The following AK7 variants were observed in gnomAD, a reference collection of about 807,000 sequenced individuals.
The protein encoded by AK7 is ATP-AMP transphosphorylase 7.
A neutral mutation model predicts 96.6 loss-of-function variants in AK7; 78 were observed. The observed-to-expected ratio is 0.81, with a 90% confidence interval of 0.67 to 0.97. The LOEUF (loss-of-function observed/expected upper bound fraction) is 0.97, where lower values mean the gene tolerates loss of function less well. Ranked by LOEUF, AK7 falls within the 50% of genes least tolerant of loss-of-function variation. The probability of loss-of-function intolerance (pLI) is 0.00; values close to 1 mark genes in which losing one functional copy is unlikely to be tolerated. For synonymous variants in AK7, 302 were observed against 317.2 expected, an observed-to-expected ratio of 0.95 and a Z score of 0.51; for missense variants, 855 against 887.9, an observed-to-expected ratio of 0.96 and a Z score of 0.47.
chr14:96,488,261 A>C (rs112146260), intron 17 of AK7, 44 bp from the exon 18 acceptor site: 2 of 1,551,754 alleles, frequency 1.3e-6, no homozygotes, highest in East Asian at 2.2e-5. Flanking sequence ...TACATGACTA[A>C]TAATAACTTG....
chr14:96,462,780 C>G (rs1290644151), intron 12 of AK7, among the ~76,000 whole-genome samples: 1 of 148,232 alleles, frequency 6.7e-6, no homozygotes. Context: ...TGGCTTGCAG[C>G]TATCTAATTT....
chr14:96,428,663 T>C (rs981409988), intron 5 of AK7, among the ~76,000 whole-genome samples: 1 of 152,210 alleles, frequency 6.6e-6, no homozygotes, highest in Non-Finnish European at 1.5e-5. Flanking sequence ...TTCTAACTGG[T>C]GTGAGATGGT....
intron 5 of AK7, among the ~76,000 whole-genome samples, chr14:96,433,395 C>A (rs988971664): frequency 5.3e-5 from 8 of 152,050 alleles, no homozygotes; most frequent in Admixed American, 6.6e-5. Flanking sequence ...CTCTAAACTT[C>A]TCTTCTCACT....
chr14:96,404,476 C>T (rs561686172), intron 2 of AK7, among the ~76,000 whole-genome samples: 1 of 152,214 alleles, frequency 6.6e-6, no homozygotes, highest in Non-Finnish European at 1.5e-5. Flanking sequence ...TAATTCTTCC[C>T]TTCTGAATTG....
At chr14:96,464,415 T>C (rs1894441833) in intron 12 of AK7, among the ~76,000 whole-genome samples, 1 of 151,354 alleles carries the variant, frequency 6.6e-6, no homozygotes, top group South Asian at 2.1e-4. Flanking sequence ...CCAGGCGTGG[T>C]GGTGCGTGCC....
chr14:96,403,661 G>A (rs527483921), intron 2 of AK7, among the ~76,000 whole-genome samples: 2 of 152,168 alleles, frequency 1.3e-5, no homozygotes, highest in Non-Finnish European at 2.9e-5. Context: ...TGGTCTAAAA[G>A]GTTCTGCTTT....
Position 96,451,518 on chromosome 14 carries a change from T to C in AK7, c.1046T>C (p.Val349Ala), listed in dbSNP as rs571584215. ...NIRWAAQTGF[V>A]ENINTILKEY... ...CGATGGGCTGCCCAAACAGGATTTG[T>C]GGAAAATATCAACACTATCCTCAAG... The change falls in exon 10 of 18, where the codon GTG becomes GCG. Residue 349 changes from valine (V) to alanine (A), a missense_variant. Val to Ala is a moderately conservative substitution (Grantham distance 64). Transcript: ENST00000267584. 1.9e-6 allele frequency: 3 copies of C among 1,600,090 alleles called. No homozygotes were observed. In the African/African-American group the frequency reaches 4.0e-5, roughly 21 times the overall value.
intron 4 of AK7, 117 bp downstream of exon 4, chr14:96,409,058 C>T: frequency 1.0e-6 from 1 of 958,280 alleles, no homozygotes; most frequent in African/African-American, 1.6e-5. Context: ...GAATCCTATC[C>T]CATAATAAGC....
intron 1 of AK7, among the ~76,000 whole-genome samples, chr14:96,393,874 C>T (rs1889897412): frequency 6.6e-6 from 1 of 151,952 alleles, no homozygotes; most frequent in African/African-American, 2.4e-5. Flanking sequence ...TTTGGGAGGC[C>T]GAGGTGGGTG....
intron 1 of AK7, among the ~76,000 whole-genome samples, chr14:96,395,800 ATTTTTTTTTTT>A (rs1172936912): frequency 1.2e-4 from 8 of 69,018 alleles, no homozygotes; most frequent in South Asian, 6.8e-4. Flanking sequence ...TTGATTTTGA[ATTTTTTTTTTT>A]TTTTTTTTTT....
intron 5 of AK7, among the ~76,000 whole-genome samples, chr14:96,422,389 A>G (rs942445066): frequency 6.6e-6 from 1 of 152,236 alleles, no homozygotes; most frequent in Admixed American, 6.5e-5. Context: ...ATGAAGCTAG[A>G]CAACTGGTTA....
intron 2 of AK7, chr14:96,398,832 C>A (rs1396848957): frequency 5.0e-5 from 8 of 159,788 alleles, no homozygotes; most frequent in African/African-American, 1.4e-4. Flanking sequence ...AAATTCAACA[C>A]AGTCCTAGTC....
chr14:96,394,595 T>C (rs966267520), intron 1 of AK7, among the ~76,000 whole-genome samples: 18 of 152,214 alleles, frequency 1.2e-4, no homozygotes, highest in African/African-American at 4.1e-4. Flanking sequence ...AGGTCATGGA[T>C]GGCCTTGGCC....
intron 10 of AK7, among the ~76,000 whole-genome samples, chr14:96,452,215 A>C (rs897509042): frequency 1.3e-5 from 2 of 152,234 alleles, no homozygotes; most frequent in African/African-American, 4.8e-5. Flanking sequence ...AAATCGAGCT[A>C]ATTAACATCC....
At chr14:96,410,992 C>A (rs531431576) in intron 4 of AK7, among the ~76,000 whole-genome samples, 1 of 152,136 alleles carries the variant, frequency 6.6e-6, no homozygotes, top group Admixed American at 6.5e-5. Flanking sequence ...TAAAGTGAGA[C>A]CCTGCCTCAA....
At chr14:96,479,002 G>T (rs1017493808) in intron 15 of AK7, among the ~76,000 whole-genome samples, 2 of 151,592 alleles carry the variant, frequency 1.3e-5, no homozygotes, top group African/African-American at 4.9e-5. Flanking sequence ...TCTGCTTCCC[G>T]GGTTCAAGCA....
At chr14:96,439,557 G>A (rs1303434729) in intron 6 of AK7, among the ~76,000 whole-genome samples, 4 of 151,540 alleles carry the variant, frequency 2.6e-5, no homozygotes, top group African/African-American at 4.9e-5. Flanking sequence ...CCAGCTACTC[G>A]TTAGGCTGAA....
At chr14:96,414,233 A>G (rs1891198212) in intron 4 of AK7, among the ~76,000 whole-genome samples, 1 of 152,322 alleles carries the variant, frequency 6.6e-6, no homozygotes, top group African/African-American at 2.4e-5. Context: ...GCACACTTGC[A>G]TCAGGCCTGT....
At chr14:96,408,686 AG>A (rs1294625489) in intron 3 of AK7, among the ~76,000 whole-genome samples, 160 bp from the exon 4 acceptor site, 1 of 152,222 alleles carries the variant, frequency 6.6e-6, no homozygotes, top group Non-Finnish European at 1.5e-5. Context: ...GCGAGAAAGC[AG>A]GGGGAATTTG....
Sources: allele counts gnomAD v4.1 joint callset (sites outside exome capture counted in the v4.1 genomes callset), GRCh38; gene constraint gnomAD v4.1.1; transcripts MANE v1.5; gene names NCBI Gene and HGNC (gene_info 2026-07-23, HGNC 2026-07-21).